The following SCN11A variants were observed in gnomAD, a reference collection of about 807,000 sequenced individuals.
SCN11A encodes sodium voltage-gated channel alpha subunit 11.
A neutral mutation model predicts 162.2 loss-of-function variants in SCN11A; 122 were observed. The ratio of observed to expected loss-of-function variants is 0.75; its 90% CI spans 0.65 to 0.87. The LOEUF is 0.87. Among genes scored for constraint, SCN11A ranks in the 40% least tolerant of loss-of-function variants. The pLI is 0.00. For missense variants in SCN11A, 2,015 were observed against 2,181.6 expected (o/e 0.92, Z 1.52); for synonymous variants, 758 against 751.5 (o/e 1.01, Z -0.14).
At chr3:38,882,427 T>C (rs1419477492) in intron 22 of SCN11A, among the ~76,000 whole-genome samples, 1 of 152,200 alleles carries the variant, frequency 6.6e-6, no homozygotes, top group African/African-American at 2.4e-5. Context: ...CTCATAACTT[T>C]GTTATGTCAA....
intron 14 of SCN11A, among the ~76,000 whole-genome samples, chr3:38,907,402 A>C (rs2065817598): frequency 6.8e-6 from 1 of 147,998 alleles, no homozygotes; most frequent in African/African-American, 2.5e-5. Flanking sequence ...TGATGCCCTT[A>C]CTTTGGAAGG....
intron 1 of SCN11A, among the ~76,000 whole-genome samples, chr3:39,038,347 A>G (rs886813188): frequency 3.9e-5 from 6 of 152,198 alleles, no homozygotes; most frequent in African/African-American, 1.4e-4. Context: ...AACTATCCTC[A>G]TTTTCTATAG....
intron 2 of SCN11A, among the ~76,000 whole-genome samples, chr3:38,977,979 T>C (rs1220900399): frequency 6.6e-6 from 1 of 152,226 alleles, no homozygotes; most frequent in Non-Finnish European, 1.5e-5. Flanking sequence ...CAGAAAATTA[T>C]TTTCCTTTTA....
intron 19 of SCN11A, among the ~76,000 whole-genome samples, chr3:38,890,772 C>T (rs1328252483): frequency 6.6e-6 from 1 of 152,216 alleles, no homozygotes; most frequent in African/African-American, 2.4e-5. Context: ...TCATCCTACA[C>T]TGACCGTGTG....
At chr3:38,932,886 C>T (rs1323724708) in intron 7 of SCN11A, among the ~76,000 whole-genome samples, 4 of 152,210 alleles carry the variant, frequency 2.6e-5, no homozygotes, top group Admixed American at 6.5e-5. Flanking sequence ...TCCCAGCACC[C>T]AGCTGGAGAT....
At chr3:38,951,076 C>T (rs1477311580) in intron 4 of SCN11A, among the ~76,000 whole-genome samples, 2 of 152,240 alleles carry the variant, frequency 1.3e-5, no homozygotes, top group Admixed American at 1.3e-4. Flanking sequence ...TTCAGCCCAC[C>T]GCTGCACTGT....
In SCN11A at chr3:38,855,375, C is replaced by A. The variant is rs184731879; in HGVS notation, c.4057-4624G>T. ...CACAGTGGTTATGGCAAGCCCCACTCAAGGAGAGTCTGCACTTGGACCTGC... is the reference window on the plus strand; with the variant it reads ...CACAGTGGTTATGGCAAGCCCCACTAAAGGAGAGTCTGCACTTGGACCTGC... On this transcript the variant is annotated intron_variant, in intron 28 of 29. Transcript: ENST00000302328. 1.2e-4 allele frequency among the ~76,000 whole-genome samples: 18 copies of A among 152,316 alleles called. No homozygotes were observed. The East Asian group carries it at 3.3e-3, about 28-fold the overall frequency.
chr3:38,992,729 C>T (rs1196991964), intron 2 of SCN11A, among the ~76,000 whole-genome samples: 1 of 152,228 alleles, frequency 6.6e-6, no homozygotes, highest in Admixed American at 6.5e-5. Context: ...CACCATATTA[C>T]AGATTAGGAA....
intron 4 of SCN11A, among the ~76,000 whole-genome samples, chr3:38,950,839 G>C (rs1324955186): frequency 6.6e-6 from 1 of 152,238 alleles, no homozygotes; most frequent in Non-Finnish European, 1.5e-5. Context: ...AAGTGCATGG[G>C]TCTTTTCTCA....
chr3:39,045,691 T>C (rs912416614), intron 1 of SCN11A, among the ~76,000 whole-genome samples: 5 of 152,200 alleles, frequency 3.3e-5, no homozygotes, highest in Non-Finnish European at 7.4e-5. Context: ...AGTATCATCT[T>C]AAACAGGAGA....
At chr3:38,886,324 C>G (rs2065400380) in intron 19 of SCN11A, 86 bp from the exon 20 acceptor site, 1 of 819,808 alleles carries the variant, frequency 1.2e-6, no homozygotes, top group African/African-American at 1.7e-5. Context: ...ATTTGGTTTT[C>G]TCTTTGTCAT....
chr3:38,982,460 CCT>C, intron 2 of SCN11A, among the ~76,000 whole-genome samples: 1 of 152,202 alleles, frequency 6.6e-6, no homozygotes, highest in East Asian at 1.9e-4. Flanking sequence ...TGGGTGAGCC[CCT>C]GACTTAAATG....
At chr3:38,863,341 T>G in intron 27 of SCN11A, 42 bp from the exon 28 acceptor site, 1 of 989,172 alleles carries the variant, frequency 1.0e-6, no homozygotes, top group Non-Finnish European at 1.6e-6. Flanking sequence ...TAACAGTTTT[T>G]TTTTTAATCT....
At position 38,987,779 on chromosome 3, in the gene SCN11A, T is replaced by C. The variant is rs1281503444; in HGVS notation, c.-279-27356A>G. On this transcript the variant is annotated intron_variant, in intron 2 of 29. Transcript: ENST00000302328. ...TCTCTCAGGGAGCCAAGGTGCCCTC[T>C]TGCTCCAGGCCCAGCCTTGAGGAGA... 3.3e-5 allele frequency among the ~76,000 whole-genome samples: 5 copies of C among 152,202 alleles called. 1 individual carries two copies. Among genetic ancestry groups the C allele is most frequent in the African/African-American group, 1.2e-4 (5 of 41,446 alleles).
At chr3:38,992,356 C>T (rs769501516) in intron 2 of SCN11A, among the ~76,000 whole-genome samples, 3 of 152,246 alleles carry the variant, frequency 2.0e-5, no homozygotes, top group African/African-American at 7.2e-5. Context: ...CAATCCTCCT[C>T]AAGAATGGTC....
At chr3:38,861,770 T>C (rs1165804632) in intron 28 of SCN11A, among the ~76,000 whole-genome samples, 2 of 152,154 alleles carry the variant, frequency 1.3e-5, no homozygotes, top group African/African-American at 4.8e-5. Context: ...CTCTAAGACC[T>C]GAAACCATAC....
At chr3:38,927,528 G>T (rs1345116677) in intron 7 of SCN11A, among the ~76,000 whole-genome samples, 1 of 152,116 alleles carries the variant, frequency 6.6e-6, no homozygotes, top group Non-Finnish European at 1.5e-5. Context: ...AACAAATTGT[G>T]AGGTCTCACA....
chr3:39,009,920 A>G (rs2031079851), intron 2 of SCN11A, among the ~76,000 whole-genome samples: 1 of 150,040 alleles, frequency 6.7e-6, no homozygotes, highest in African/African-American at 2.5e-5. Context: ...CCTGGGCTCA[A>G]GCTATCCTCC....
At chr3:38,911,114 C>T (rs944991268) in intron 11 of SCN11A, among the ~76,000 whole-genome samples, 2 of 152,226 alleles carry the variant, frequency 1.3e-5, no homozygotes, top group South Asian at 2.1e-4. Flanking sequence ...AATTGTAGTT[C>T]GTGTTGATTA....
Sources: gnomAD v4.1 joint callset for allele counts (sites outside exome capture counted in the v4.1 genomes callset) on GRCh38, gnomAD v4.1.1 for gene constraint, MANE v1.5 for transcripts, NCBI Gene and HGNC (gene_info 2026-07-23, HGNC 2026-07-21) for gene names.